Variants in RFT1 observed in about 807,000 individuals in gnomAD.
The protein encoded by RFT1 is man(5)GlcNAc(2)-PP-dolichol translocation protein RFT1.
In RFT1, 43 loss-of-function variants were observed where a neutral mutation model predicts 62.2. The ratio of observed to expected loss-of-function variants is 0.69; its 90% CI spans 0.54 to 0.89. The LOEUF (loss-of-function observed/expected upper bound fraction) is 0.89. RFT1 is among the 40% of genes least tolerant of loss of function. RFT1 has a pLI of 0.00. For synonymous variants in RFT1, 262 were observed against 264.6 expected (o/e 0.99, Z 0.10); for missense variants, 605 against 649.9 (o/e 0.93, Z 0.75).
chr3:53,100,676 C>T (rs1701284744), intron 10 of RFT1, among the ~76,000 whole-genome samples: 1 of 152,186 alleles, frequency 6.6e-6, no homozygotes, highest in Non-Finnish European at 1.5e-5. Flanking sequence ...CAAGAGCGCA[C>T]ATGCTGCATT....
chr3:53,115,676 G>A (rs1296430745), intron 6 of RFT1, among the ~76,000 whole-genome samples: 1 of 152,172 alleles, frequency 6.6e-6, no homozygotes, highest in African/African-American at 2.4e-5. Context: ...CTGTGGTCAC[G>A]AATGCCCATC....
the RFT1 span, among the ~76,000 whole-genome samples, chr3:53,077,484 C>T: frequency 3.3e-5 from 5 of 152,244 alleles, no homozygotes; most frequent in Admixed American, 2.0e-4. Flanking sequence ...AGCCACTAGC[C>T]CACAGAGGCC....
At chr3:53,074,000 T>G in the RFT1 span, among the ~76,000 whole-genome samples, 2 of 152,092 alleles carry the variant, frequency 1.3e-5, no homozygotes, top group African/African-American at 4.8e-5. Context: ...GCAGAAGCAG[T>G]TAGGTCTGCG....
intron 11 of RFT1, among the ~76,000 whole-genome samples, chr3:53,098,552 C>G (rs963773931): frequency 2.9e-4 from 44 of 152,176 alleles, no homozygotes; most frequent in African/African-American, 9.4e-4. Flanking sequence ...CCTGTAATCC[C>G]GGCACTTTGG....
intron 1 of RFT1, among the ~76,000 whole-genome samples, chr3:53,128,263 A>C (rs9820125): frequency 0.26 from 40,012 of 152,050 alleles, 5,669 homozygotes; most frequent in Middle Eastern, 0.4. Flanking sequence ...GTGCCACTGC[A>C]CTCCAGCCTG....
At chr3:53,073,359 C>T in the RFT1 span, among the ~76,000 whole-genome samples, 3 of 152,218 alleles carry the variant, frequency 2.0e-5, no homozygotes, top group African/African-American at 7.2e-5. Context: ...CCTCTGGACA[C>T]CCCCACCTGT....
intron 5 of RFT1, among the ~76,000 whole-genome samples, chr3:53,121,448 G>A (rs1005408352): frequency 1.3e-5 from 2 of 152,162 alleles, no homozygotes; most frequent in African/African-American, 2.4e-5. Flanking sequence ...TCTAAAAGGG[G>A]TTTTTGATGT....
the RFT1 span, among the ~76,000 whole-genome samples, chr3:53,082,263 G>A: frequency 1.3e-5 from 2 of 152,034 alleles, no homozygotes; most frequent in Non-Finnish European, 1.5e-5. Context: ...GGTTGCTTGA[G>A]GCCAGGAGTT....
chr3:53,115,878 C>T (rs1344276637), intron 6 of RFT1, among the ~76,000 whole-genome samples: 1 of 152,252 alleles, frequency 6.6e-6, no homozygotes, highest in African/African-American at 2.4e-5. Flanking sequence ...ATCTCTCCAT[C>T]ACCATGCAAG....
In RFT1 at chr3:53,092,441, C is replaced by T. The variant is rs372737221; in HGVS notation, c.1386G>A (p.Leu462=). 11 of 1,611,326 alleles carry T rather than the reference C, an allele frequency of 6.8e-6. No homozygotes were observed. In the African/African-American group the frequency reaches 1.3e-4, roughly 20 times the overall value. Residue 462 remains leucine, a synonymous_variant, in exon 12 of 13, where the codon CTG becomes CTA. Transcript: ENST00000296292. The stretch of plus-strand genomic sequence containing the variant: ...GGACTGGCGATAGGTGCAGGCCAGC[C>T]AGGGGCCTGTGGGGGCTCCTTCGGT... ...RYYRRSPHRP[L]AGLHLSPVLL...
the RFT1 span, among the ~76,000 whole-genome samples, chr3:53,075,249 T>A: frequency 2.0e-5 from 3 of 152,218 alleles, no homozygotes; most frequent in Non-Finnish European, 4.4e-5. Context: ...GCCGATTGAA[T>A]CTGAGTTGCA....
intron 10 of RFT1, among the ~76,000 whole-genome samples, chr3:53,101,931 C>T (rs1398010991): frequency 2.0e-5 from 3 of 151,874 alleles, no homozygotes; most frequent in East Asian, 1.9e-4. Context: ...CTCAGCTACT[C>T]GGGAGGCTGA....
chr3:53,087,789 G>C (rs1700887273), downstream of RFT1, among the ~76,000 whole-genome samples: 1 of 152,202 alleles, frequency 6.6e-6, no homozygotes, highest in South Asian at 2.1e-4. Flanking sequence ...CGAAAGTGTT[G>C]AGATTATAGG....
the RFT1 span, among the ~76,000 whole-genome samples, chr3:53,070,393 GTTTTTTTTTT>G: frequency 8.2e-5 from 7 of 85,448 alleles, no homozygotes; most frequent in African/African-American, 2.8e-4. Flanking sequence ...CTGTATTATG[GTTTTTTTTTT>G]TTTTTTTTTT....
At chr3:53,124,350 C>A (rs1702052423) in intron 2 of RFT1, among the ~76,000 whole-genome samples, 1 of 152,152 alleles carries the variant, frequency 6.6e-6, no homozygotes. Context: ...CCCAGGTGGG[C>A]AGCACCTGGG....
At chr3:53,081,355 G>A in the RFT1 span, among the ~76,000 whole-genome samples, 1 of 152,324 alleles carries the variant, frequency 6.6e-6, no homozygotes, top group East Asian at 1.9e-4. Flanking sequence ...GGGTGGAGAG[G>A]AGCAGAGCCT....
intron 9 of RFT1, among the ~76,000 whole-genome samples, chr3:53,105,382 C>T (rs1701434243): frequency 6.7e-6 from 1 of 150,174 alleles, no homozygotes; most frequent in Non-Finnish European, 1.5e-5. Context: ...CCACTGCACT[C>T]CAGGCTGGGC....
At chr3:53,092,234 C>T in intron 12 of RFT1, 135 bp downstream of exon 12, 2 of 1,428,510 alleles carry the variant, frequency 1.4e-6, no homozygotes, top group South Asian at 1.2e-5. Context: ...TCTCTTGTCA[C>T]ATTATCAGAA....
chr3:53,071,013 G>C, the RFT1 span, among the ~76,000 whole-genome samples: 1 of 152,034 alleles, frequency 6.6e-6, no homozygotes, highest in Non-Finnish European at 1.5e-5. Context: ...TTACAGGCAT[G>C]AGCCACCAAG....
Sources: gnomAD v4.1 joint callset for allele counts (sites outside exome capture counted in the v4.1 genomes callset) on GRCh38, gnomAD v4.1.1 for gene constraint, MANE v1.5 for transcripts, NCBI Gene and HGNC (gene_info 2026-07-23, HGNC 2026-07-21) for gene names.